The following TBCD variants were observed in gnomAD, a reference collection of about 807,000 sequenced individuals.
The protein encoded by TBCD is tubulin-specific chaperone D.
A neutral mutation model predicts 169.3 loss-of-function variants in TBCD; 105 were observed. The ratio of observed to expected loss-of-function variants is 0.62; its 90% confidence interval spans 0.53 to 0.73. The LOEUF (loss-of-function observed/expected upper bound fraction) is 0.73, where lower values mean the gene tolerates loss of function less well. Ranked by LOEUF, TBCD falls within the 30% of genes least tolerant of loss-of-function variation. The pLI, the probability that TBCD is intolerant of heterozygous loss-of-function variation, is 0.00. For synonymous variants in TBCD, 700 were observed against 643.9 expected (o/e 1.09, Z -1.32); for missense variants, 1,444 against 1,600.1 (o/e 0.90, Z 1.66).
At chr17:82,808,736 G>A (rs1160972369) in intron 11 of TBCD, among the ~76,000 whole-genome samples, 1 of 143,986 alleles carries the variant, frequency 6.9e-6, no homozygotes, top group African/African-American at 2.6e-5. Flanking sequence ...GGGGCCGGCA[G>A]GTGCTGAGGT....
chr17:82,774,667 G>C (rs2048481614), intron 6 of TBCD, among the ~76,000 whole-genome samples: 1 of 152,102 alleles, frequency 6.6e-6, no homozygotes, highest in Admixed American at 6.5e-5. Context: ...AGCGGCGGCC[G>C]GGCGGGGGCT....
chr17:82,868,269 C>T (rs551821517), intron 13 of TBCD, among the ~76,000 whole-genome samples: 119 of 152,292 alleles, frequency 7.8e-4, no homozygotes, highest in African/African-American at 2.8e-3. Flanking sequence ...CTTGAAGAAG[C>T]TGCAGCGCAT....
At chr17:82,909,801 T>TTCC in intron 22 of TBCD, among the ~76,000 whole-genome samples, 1 of 152,256 alleles carries the variant, frequency 6.6e-6, no homozygotes, top group Admixed American at 6.5e-5. Flanking sequence ...GACTTGCTGG[T>TTCC]CATAGGCAGG....
rs374232347 is a variant in TBCD at position 82,756,270 on chromosome 17, C to T, written c.235+55C>T. The T allele has an allele frequency of 4.1e-4, 621 of 1,531,074 alleles. 1 individual carries two copies. Among genetic ancestry groups the T allele is most frequent in the South Asian group, 5.7e-4 (48 of 84,920 alleles). The allele number at this position is 1,531,074 out of a possible 1,614,324, so 94.8% of individuals were successfully genotyped here. A position where few individuals can be genotyped will look rare whatever the true frequency, so the allele number is the denominator to read the frequency against. On this transcript the variant is annotated intron_variant, in intron 2 of 38. Coordinates refer to ENST00000355528, the MANE Select transcript of TBCD (RefSeq NM_005993.5). Reference sequence around the variant, plus strand: ...TTCAGTTACAGATGACCACGGAGGCCTTGGTGTGTGGTGCTGGCACATGCA... The same window carrying T: ...TTCAGTTACAGATGACCACGGAGGCTTTGGTGTGTGGTGCTGGCACATGCA...
chr17:82,781,319 G>A (rs1300544748), intron 6 of TBCD, among the ~76,000 whole-genome samples: 2 of 150,584 alleles, frequency 1.3e-5, no homozygotes, highest in African/African-American at 2.4e-5. Context: ...GGGGCAGGCG[G>A]GGGGGGATGG....
Position 82,928,004 on chromosome 17 carries a change from C to T in TBCD, c.2693+16C>T, listed in dbSNP as rs372531315. 16 of 1,606,084 alleles carry T rather than the reference C, an allele frequency of 1.0e-5. No individual in the cohort carries two copies. The highest frequency in any genetic ancestry group is 1.4e-5 in the Non-Finnish European group (16 of 1,178,222). ...AGGCCCATACGTGAGTGTCACGTCG[C>T]AGCTCTTCTGCATCCTAGAGGGCAG... On this transcript the variant is annotated intron_variant, in intron 30 of 38. Coordinates refer to ENST00000355528, the MANE Select transcript of TBCD (RefSeq NM_005993.5).
At chr17:82,937,857 G>A in intron 35 of TBCD, 192 bp from the exon 36 acceptor site, 1 of 1,502,398 alleles carries the variant, frequency 6.7e-7, no homozygotes, top group Non-Finnish European at 8.9e-7. Context: ...GACTTTCCAA[G>A]TGCGACACTC....
Position 82,870,405 on chromosome 17 carries a change from C to T in TBCD, c.1475+25C>T, listed in dbSNP as rs74530485. 213,452 of 1,605,602 alleles carry T rather than the reference C, an allele frequency of 0.13. 16,385 individuals carry two copies. Among genetic ancestry groups the T allele is most frequent in the South Asian group, 0.29 (25,840 of 90,656 alleles). Reference sequence around the variant, plus strand: ...GGTAGGCCCATTCGTCGAGGTACATCGGATGCGCCGTGCCCCCTGACGGCG... The same window carrying T: ...GGTAGGCCCATTCGTCGAGGTACATTGGATGCGCCGTGCCCCCTGACGGCG... On this transcript the variant is annotated intron_variant, in intron 14 of 38. Coordinates refer to ENST00000355528, the MANE Select transcript of TBCD (RefSeq NM_005993.5).
In TBCD at chr17:82,850,158, CTGTTGT is replaced by C. The variant is rs1415881869; in HGVS notation, c.1319-20063_1319-20058del. ...GTTGGCTGTGCTGTTGTTGGCTGTG[CTGTTGT>C]TGCCTGTGCTGCTGTTGGCTGTGCT... is the stretch of plus-strand genomic sequence containing the variant. On this transcript the variant is annotated intron_variant, in intron 13 of 38. Transcript: ENST00000355528. Among the ~76,000 whole-genome samples the C allele has an allele frequency of 1.1e-4, 11 of 103,444 alleles. 1 individual carries two copies. Among genetic ancestry groups the C allele is most frequent in the Admixed American group, 3.8e-4 (4 of 10,562 alleles). The allele number at this position is 103,444 out of a possible 152,430, so 67.9% of individuals were successfully genotyped here.
At chr17:82,774,825 A>G (rs1331138357) in intron 6 of TBCD, among the ~76,000 whole-genome samples, 1 of 152,256 alleles carries the variant, frequency 6.6e-6, no homozygotes, top group African/African-American at 2.4e-5. Context: ...AGTTTCTACA[A>G]GTGGAACGCA....
At chr17:82,774,477 T>C (rs533529503) in intron 6 of TBCD, among the ~76,000 whole-genome samples, 2 of 152,366 alleles carry the variant, frequency 1.3e-5, no homozygotes, top group South Asian at 4.1e-4. Context: ...AACAAACTGA[T>C]GTCTCTTTCT....
chr17:82,902,332 T>C (rs570172009), intron 18 of TBCD, among the ~76,000 whole-genome samples: 1 of 152,354 alleles, frequency 6.6e-6, no homozygotes, highest in African/African-American at 2.4e-5. Flanking sequence ...TATGTAACCC[T>C]TGAAAAATGT....
chr17:82,903,812 C>T lies in TBCD; in HGVS notation c.1804+334C>T, dbSNP rs1239111629. On this transcript the variant is annotated intron_variant, in intron 19 of 38. Coordinates refer to ENST00000355528, the MANE Select transcript of TBCD (RefSeq NM_005993.5). This position sits in a 1 kb window ranked among gnomAD's most constrained non-coding sequence, Gnocchi z 4.8. The stretch of plus-strand genomic sequence containing the variant: ...CACTCCCTGGTCTCTAGGTGGCTCG[C>T]ACCTGCCACACGACACTCCCTGGTC... Among the ~76,000 whole-genome samples the T allele has an allele frequency of 2.2e-5, 3 of 134,726 alleles. No homozygotes were observed. Among genetic ancestry groups the T allele is most frequent in the African/African-American group, 2.8e-5 (1 of 35,148 alleles). The allele number at this position is 134,726 out of a possible 152,430, so 88.4% of individuals were successfully genotyped here. A position where few individuals can be genotyped will look rare whatever the true frequency, so the allele number is the denominator to read the frequency against.
At chr17:82,753,274 A>T (rs1455294364) in intron 1 of TBCD, among the ~76,000 whole-genome samples, 1 of 151,936 alleles carries the variant, frequency 6.6e-6, no homozygotes, top group Non-Finnish European at 1.5e-5. Context: ...CCTGCCTGTG[A>T]ATTCTGGCCC....
intron 22 of TBCD, 75 bp from the exon 23 acceptor site, chr17:82,911,683 C>T (rs1368281427): frequency 6.9e-7 from 1 of 1,440,978 alleles, no homozygotes; most frequent in Non-Finnish European, 9.7e-7. Flanking sequence ...CCTGAGGTTA[C>T]ATTGGCAAGC....
chr17:82,896,114 C>T (rs1301734813), intron 17 of TBCD: 1 of 152,320 alleles, frequency 6.6e-6, no homozygotes, highest in Non-Finnish European at 1.5e-5. Context: ...CTTCTTCAGG[C>T]ACCCCTGGTC....
intron 3 of TBCD, among the ~76,000 whole-genome samples, chr17:82,764,540 G>A (rs1436796225): frequency 6.6e-6 from 1 of 152,156 alleles, no homozygotes; most frequent in Non-Finnish European, 1.5e-5. Flanking sequence ...AGCTGCTTGG[G>A]AGGCTGAGGC....
chr17:82,827,728 C>T (rs1034977563), intron 13 of TBCD, among the ~76,000 whole-genome samples: 12 of 152,232 alleles, frequency 7.9e-5, no homozygotes, highest in African/African-American at 1.9e-4. Context: ...CATACACCCA[C>T]AGATACACAC....
chr17:82,871,958 A>G (rs942440082), intron 14 of TBCD, among the ~76,000 whole-genome samples: 3 of 149,156 alleles, frequency 2.0e-5, no homozygotes, highest in Admixed American at 6.6e-5. Context: ...TGTGAGGCAC[A>G]CGCTGGTGTA....
Sources: gnomAD v4.1 joint callset for allele counts (sites outside exome capture counted in the v4.1 genomes callset) on GRCh38, gnomAD v4.1.1 for gene constraint, Gnocchi (gnomAD v3.1) non-coding constraint, MANE v1.5 for transcripts, NCBI Gene and HGNC (gene_info 2026-07-23, HGNC 2026-07-21) for gene names.